The following RAET1E variants were observed in gnomAD, a reference collection of about 807,000 sequenced individuals.
RAET1E encodes the protein NKG2D ligand 4.
RAET1E carries 27 observed loss-of-function variants against 21.1 expected under a neutral mutation model. The ratio of observed to expected loss-of-function variants is 1.28; its 90% CI spans 0.94 to 1.76. The LOEUF (loss-of-function observed/expected upper bound fraction) is 1.76, where lower values mean the gene tolerates loss of function less well. Ranked by LOEUF, RAET1E falls within the 40% of genes most tolerant of loss-of-function variation. RAET1E has a pLI of 0.00. For synonymous variants in RAET1E, 113 were observed against 115.0 expected, an observed-to-expected ratio of 0.98 and a Z score of 0.11; for missense variants, 310 against 311.3, an observed-to-expected ratio of 1.00 and a Z score of 0.03.
intron 2 of RAET1E, among the ~76,000 whole-genome samples, chr6:149,893,058 G>A (rs2115520014): frequency 6.6e-6 from 1 of 152,186 alleles, no homozygotes; most frequent in South Asian, 2.1e-4. Flanking sequence ...CTGTTCCATT[G>A]GTCTATATAT....
Position 149,886,691 on chromosome 6 carries a change from A to G in RAET1E, c.*1807T>C, listed in dbSNP as rs2115487786. 6.6e-6 allele frequency among the ~76,000 whole-genome samples: 1 copy of G among 152,350 alleles called. No homozygotes were observed. The highest frequency in any genetic ancestry group is 1.9e-4 in the East Asian group (1 of 5,190). On this transcript the variant is annotated 3_prime_UTR_variant, in exon 6 of 6. Transcript: ENST00000357183. Reference sequence around the variant, plus strand: ...ATTACAGGAGTGAGCTATCACGCCCAGATGAGATTTATTTTATGATCCAAA... The same window carrying G: ...ATTACAGGAGTGAGCTATCACGCCCGGATGAGATTTATTTTATGATCCAAA...
chr6:149,885,876 A>G lies in RAET1E; in HGVS notation c.*2622T>C, dbSNP rs1158008687. On this transcript the variant is annotated 3_prime_UTR_variant, in exon 6 of 6. Coordinates refer to ENST00000357183, the MANE Select transcript of RAET1E (RefSeq NM_001394057.1). ...AAAAGTAATGTCCTCAAGTAAGCGCATCAATTTACTGACATACACCCAATC... is the reference window on the plus strand; with the variant it reads ...AAAAGTAATGTCCTCAAGTAAGCGCGTCAATTTACTGACATACACCCAATC... Among the ~76,000 whole-genome samples the G allele has an allele frequency of 6.6e-6, 1 of 152,242 alleles. No individual in the cohort carries two copies. The highest frequency in any genetic ancestry group is 1.9e-4 in the East Asian group (1 of 5,202).
At position 149,890,004 on chromosome 6, in the gene RAET1E, A is replaced by G. The variant is rs770418334; in HGVS notation, c.227T>C (p.Leu76Pro). 5.6e-6 allele frequency: 9 copies of G among 1,614,172 alleles called. No homozygotes were observed. The Admixed American group carries it at 1.5e-4, about 27-fold the overall frequency. ...SDNNMVKPLG[L>P]LGKKVYATST... is the part of the protein sequence containing the mutation. ...GGTGGCATATACCTTCTTCCCCAGGAGGCCCAGAGGTTTGACCATGTTGTT... is the reference window on the plus strand; with the variant it reads ...GGTGGCATATACCTTCTTCCCCAGGGGGCCCAGAGGTTTGACCATGTTGTT... Residue 76 changes from leucine (L) to proline (P), a missense_variant, in exon 4 of 6, where the codon CTC (leucine) becomes CCC (proline). Transcript: ENST00000357183.
In RAET1E at chr6:149,887,522, C is replaced by A. The variant is rs73782113; in HGVS notation, c.*976G>T. Among the ~76,000 whole-genome samples, 6,076 of 152,246 alleles carry A rather than the reference C, an allele frequency of 0.04. 416 individuals carry two copies. Among genetic ancestry groups the A allele is most frequent in the African/African-American group, 0.14 (5,793 of 41,504 alleles). Reference sequence around the variant, plus strand: ...TGTGACACCGATCTTGGCAAACTCACTTTTCATGTCAGGGCCCCTGCAAAA... The same window carrying A: ...TGTGACACCGATCTTGGCAAACTCAATTTTCATGTCAGGGCCCCTGCAAAA... On this transcript the variant is annotated 3_prime_UTR_variant, in exon 6 of 6. Transcript: ENST00000357183.
At chr6:149,890,794 G>C in intron 3 of RAET1E, 23 bp downstream of exon 3, 1 of 1,561,706 alleles carries the variant, frequency 6.4e-7, no homozygotes, top group Non-Finnish European at 8.8e-7. Flanking sequence ...TCCTCAGCCA[G>C]TTCTTGTGCT....
At position 149,889,966 on chromosome 6, in the gene RAET1E, C is replaced by A; in HGVS notation, c.265G>T (p.Glu89Ter). ...KKVYATSTWGELTQTLGEVGR... is the reference protein window; with the variant it reads ...KKVYATSTWG ...ACTTCTCCCAGCGTTTGGGTCAATT[C>A]TCCCCAAGTGCTGGTGGCATATACC... Residue 89 changes from glutamate to a stop codon, truncating the protein, a stop_gained, in exon 4 of 6, where the codon GAA becomes TAA. Transcript: ENST00000357183. LOFTEE classifies it high-confidence loss of function. The A allele has an allele frequency of 3.1e-6, 5 of 1,614,134 alleles. No homozygotes were observed. The highest frequency in any genetic ancestry group is 4.2e-6 in the Non-Finnish European group (5 of 1,180,024).
chr6:149,888,869 G>T (rs1025375802), intron 5 of RAET1E, among the ~76,000 whole-genome samples: 1 of 152,124 alleles, frequency 6.6e-6, no homozygotes, highest in African/African-American at 2.4e-5. Flanking sequence ...ATGGAGCTCA[G>T]ATTTCTACTG....
At position 149,884,820 on chromosome 6, in the gene RAET1E, G is replaced by A. The variant is rs938908938; in HGVS notation, c.*3678C>T. ...TGTGGGCAAGGGTATCCCTGCGGCA[G>A]GTCCAGAGCACTGAGGGTGGGGCTT... is the stretch of plus-strand genomic sequence containing the variant. On this transcript the variant is annotated 3_prime_UTR_variant, in exon 6 of 6. Transcript: ENST00000357183. Among the ~76,000 whole-genome samples the A allele has an allele frequency of 6.6e-6, 1 of 152,192 alleles. No homozygotes were observed. Among genetic ancestry groups the A allele is most frequent in the Non-Finnish European group, 1.5e-5 (1 of 68,030 alleles).
Position 149,889,391 on chromosome 6 carries a change from G to A in RAET1E, c.579C>T (p.Leu193=), listed in dbSNP as rs778600774. The change falls in exon 5 of 6, where the codon CTC becomes CTT. Residue 193 remains leucine (L), a synonymous_variant. Coordinates refer to ENST00000357183, the MANE Select transcript of RAET1E (RefSeq NM_001394057.1). The stretch of plus-strand genomic sequence containing the variant: ...CCTCCCAGTGCCCTAAGAATTCCCT[G>A]AGCCAGTGATCGCAGTCTCCCTTTG... ...KLSKGDCDHW[L]REFLGHWEAM... is the part of the protein sequence containing the mutation. 2 of 1,614,162 alleles carry A rather than the reference G, an allele frequency of 1.2e-6. No individual in the cohort carries two copies. The highest frequency in any genetic ancestry group is 1.7e-6 in the Non-Finnish European group (2 of 1,180,032).
At position 149,889,398 on chromosome 6, in the gene RAET1E, T is replaced by C; in HGVS notation, c.572A>G (p.His191Arg). Residue 191 changes from histidine to arginine, a missense_variant, in exon 5 of 6, where the codon CAC becomes CGC. His to Arg is a conservative substitution (Grantham distance 29, BLOSUM62 0). Transcript: ENST00000357183. ...GTGCCCTAAGAATTCCCTGAGCCAGTGATCGCAGTCTCCCTTTGAGAGCTT... is the reference window on the plus strand; with the variant it reads ...GTGCCCTAAGAATTCCCTGAGCCAGCGATCGCAGTCTCCCTTTGAGAGCTT... The part of the protein sequence containing the change: ...FRKLSKGDCD[H>R]WLREFLGHWE... The C allele has an allele frequency of 2.5e-6, 4 of 1,614,230 alleles. No homozygotes were observed. The highest frequency in any genetic ancestry group is 3.4e-6 in the Non-Finnish European group (4 of 1,180,040).
chr6:149,896,154 G>GTGTGCCGGGCAA (rs1778105215), intron 1 of RAET1E, 122 bp from the exon 2 acceptor site: 1 of 152,258 alleles, frequency 6.6e-6, no homozygotes, highest in African/African-American at 2.4e-5. Context: ...GTGCCGGGCA[G>GTGTGCCGGGCAA]TATGCCAGTT....
In RAET1E at chr6:149,888,356, A is replaced by T; in HGVS notation, c.*142T>A. 1 of 1,005,420 alleles carries T rather than the reference A, an allele frequency of 9.9e-7. No homozygotes were observed. Among genetic ancestry groups the T allele is most frequent in the Non-Finnish European group, 1.5e-6 (1 of 667,748 alleles). 62.3% of individuals were successfully genotyped at this position (1,005,420 alleles called of 1,614,324 possible). A position where few individuals can be genotyped will look rare whatever the true frequency, so the allele number is the denominator to read the frequency against. On this transcript the variant is annotated 3_prime_UTR_variant, in exon 6 of 6. Coordinates refer to ENST00000357183, the MANE Select transcript of RAET1E (RefSeq NM_001394057.1). ...AGATGATTGCTTCATCCCTCCTCTC[A>T]CTGCACATTGTGCTGCCAGCCCTGC...
chr6:149,894,183 A>G (rs1435476494), intron 2 of RAET1E, among the ~76,000 whole-genome samples: 2 of 152,180 alleles, frequency 1.3e-5, no homozygotes, highest in South Asian at 2.1e-4. Context: ...AGGTTTTGGT[A>G]TCAGGATGAT....
chr6:149,889,645 A>G (rs370040821), intron 4 of RAET1E, 22 bp from the exon 5 acceptor site: 432 of 1,612,184 alleles, frequency 2.7e-4, no homozygotes, highest in Non-Finnish European at 3.2e-4. Context: ...ACACAAAGCC[A>G]TCATCCTCCA....
rs1377528975 is a variant in RAET1E at position 149,886,187 on chromosome 6, A to G, written c.*2311T>C. Among the ~76,000 whole-genome samples the G allele has an allele frequency of 6.6e-6, 1 of 152,146 alleles. No homozygotes were observed. Among genetic ancestry groups the G allele is most frequent in the Non-Finnish European group, 1.5e-5 (1 of 68,020 alleles). ...TGTCTGATAGATTTTGATATTTTGT[A>G]TTATCATTTTCATTCATTTCAAAAT... On this transcript the variant is annotated 3_prime_UTR_variant, in exon 6 of 6. Transcript: ENST00000357183.
At chr6:149,896,707 G>A (rs1356899808) in intron 1 of RAET1E, among the ~76,000 whole-genome samples, 1 of 151,980 alleles carries the variant, frequency 6.6e-6, no homozygotes, top group African/African-American at 2.4e-5. Context: ...TGTGTGATAT[G>A]ACCACTGAGT....
At position 149,891,011 on chromosome 6, in the gene RAET1E, A is replaced by G; in HGVS notation, c.-110T>C. ...GGTGTGGGCACTGCCCAAATTCTTT[A>G]CCCTGGAACAACTGAGGTCAGGCCT... On this transcript the variant is annotated 5_prime_UTR_variant, in exon 3 of 6. Coordinates refer to ENST00000357183, the MANE Select transcript of RAET1E (RefSeq NM_001394057.1). The G allele has an allele frequency of 1.3e-6, 1 of 761,476 alleles. No homozygotes were observed. The highest frequency in any genetic ancestry group is 2.3e-6 in the Non-Finnish European group (1 of 435,160). 47.2% of individuals were successfully genotyped at this position (761,476 alleles called of 1,614,324 possible).
intron 5 of RAET1E, chr6:149,888,962 G>A: frequency 1.3e-6 from 1 of 783,502 alleles, no homozygotes; most frequent in Non-Finnish European, 1.9e-6. Flanking sequence ...GACACAATGG[G>A]TGGTGCTTAA....
intron 2 of RAET1E, among the ~76,000 whole-genome samples, chr6:149,894,151 A>AT (rs199523131): frequency 0.21 from 32,667 of 151,986 alleles, 4,279 homozygotes; most frequent in Admixed American, 0.33. Flanking sequence ...CTGAAATTTT[A>AT]TTTTTTTGTT....
Sources: allele counts gnomAD v4.1 joint callset (sites outside exome capture counted in the v4.1 genomes callset), GRCh38; gene constraint gnomAD v4.1.1; transcripts MANE v1.5; gene names NCBI Gene and HGNC (gene_info 2026-07-23, HGNC 2026-07-21).